Variants in NELFB observed in about 807,000 individuals in gnomAD.
NELFB encodes negative elongation factor B.
A neutral mutation model predicts 60.2 loss-of-function variants in NELFB; 34 were observed. The ratio of observed to expected loss-of-function variants is 0.56; its 90% CI spans 0.43 to 0.75. The LOEUF is 0.75. Among genes scored for constraint, NELFB ranks in the 30% least tolerant of loss-of-function variants. The pLI is 0.00. For missense variants in NELFB, 770 were observed against 831.6 expected (o/e 0.93, Z 0.91); for synonymous variants, 459 against 382.1 (o/e 1.20, Z -2.35).
chr9:137,262,951 A>G (rs1830467359), intron 4 of NELFB, 86 bp from the exon 5 acceptor site: 33 of 1,436,062 alleles, frequency 2.3e-5, no homozygotes, highest in Non-Finnish European at 3.1e-5. Flanking sequence ...GTCCAGAGAG[A>G]GGGCCGCGCT....
intron 10 of NELFB, among the ~76,000 whole-genome samples, chr9:137,271,739 C>T (rs1216322150): frequency 6.6e-6 from 1 of 152,118 alleles, no homozygotes; most frequent in African/African-American, 2.4e-5. Context: ...GGAGGAGCAC[C>T]TCGTTTTTCT....
chr9:137,268,356 C>T (rs947653929), intron 10 of NELFB, among the ~76,000 whole-genome samples: 1 of 152,140 alleles, frequency 6.6e-6, no homozygotes, highest in Non-Finnish European at 1.5e-5. Context: ...GAGGCTGAGG[C>T]GGGCGGATCA....
At chr9:137,255,815 GA>G in intron 1 of NELFB, 91 bp from the exon 2 acceptor site, 3 of 1,558,880 alleles carry the variant, frequency 1.9e-6, no homozygotes, top group Non-Finnish European at 2.6e-6. Context: ...GCACGGCTGG[GA>G]ACACCTGGGT....
In NELFB at chr9:137,257,129, A is replaced by T. The variant is rs919596255; in HGVS notation, c.741+75A>T. On this transcript the variant is annotated intron_variant, in intron 4 of 12. Transcript: ENST00000343053. ...GGCTAGCGCCTTCAGCTGCCTGGGG[A>T]TCAGCACTCTGCTGCCCTGTGAATG... The T allele has an allele frequency of 5.6e-5, 72 of 1,283,620 alleles. No individual in the cohort carries two copies. In the Admixed American group the frequency reaches 1.3e-3, roughly 24 times the overall value. The allele number at this position is 1,283,620 out of a possible 1,614,324, so 79.5% of individuals were successfully genotyped here. A position where few individuals can be genotyped will look rare whatever the true frequency, so the allele number is the denominator to read the frequency against.
In NELFB at chr9:137,257,203, T is replaced by C. The variant is rs1353890268; in HGVS notation, c.741+149T>C. On this transcript the variant is annotated intron_variant, in intron 4 of 12. Transcript: ENST00000343053. ...TGGGTGGTGGGGGAGGGCTGGCTTG[T>C]ACACATGCTGGAAAGAAAGTTGGTT... The C allele has an allele frequency of 1.1e-5, 7 of 660,858 alleles. No homozygotes were observed. The East Asian group carries it at 1.6e-4, about 15-fold the overall frequency. The allele number at this position is 660,858 out of a possible 1,614,324, so 40.9% of individuals were successfully genotyped here.
At chr9:137,265,678 C>T (rs549127683) in intron 6 of NELFB, among the ~76,000 whole-genome samples, 199 bp from the exon 7 acceptor site, 210 of 123,750 alleles carry the variant, frequency 1.7e-3, no homozygotes, top group African/African-American at 4.7e-3. Context: ...TGAGCCGCCG[C>T]GCCCGGCCTG....
At chr9:137,264,586 C>T (rs541379206) in intron 6 of NELFB, among the ~76,000 whole-genome samples, 1 of 152,374 alleles carries the variant, frequency 6.6e-6, no homozygotes, top group African/African-American at 2.4e-5. Flanking sequence ...CTGCCTCAGC[C>T]TCCCAAGTAG....
At chr9:137,263,578 C>T (rs992124858) in intron 5 of NELFB, among the ~76,000 whole-genome samples, 2 of 150,862 alleles carry the variant, frequency 1.3e-5, no homozygotes, top group African/African-American at 4.9e-5. Flanking sequence ...CACCTGGGCG[C>T]CCTTCTCTCC....
rs375835312 is a variant in NELFB at position 137,264,273 on chromosome 9, G to A, written c.956G>A (p.Arg319Gln). ...ACCTGGTGCCTGGACGCCTGCATCC[G>A]AGAGCGGTTCGTGGACAGCAAGAGG... The change falls in exon 6 of 13, where the codon CGA (arginine) becomes CAA (glutamine). Residue 319 changes from arginine to glutamine, a missense_variant. Physicochemically the swap from Arg to Gln is conservative, Grantham distance 43. Transcript: ENST00000343053. 2 of 1,601,482 alleles carry A rather than the reference G, an allele frequency of 1.2e-6. No homozygotes were observed. Among genetic ancestry groups the A allele is most frequent in the African/African-American group, 1.3e-5 (1 of 74,810 alleles).
chr9:137,255,370 C>T lies in NELFB; in HGVS notation c.5C>T (p.Ala2Val), dbSNP rs1837532466. The T allele has an allele frequency of 1.8e-6, 1 of 549,062 alleles. No homozygotes were observed. Among genetic ancestry groups the T allele is most frequent in the Non-Finnish European group, 2.7e-6 (1 of 369,814 alleles). The allele number at this position is 549,062 out of a possible 1,614,324, so 34.0% of individuals were successfully genotyped here. A position where few individuals can be genotyped will look rare whatever the true frequency, so the allele number is the denominator to read the frequency against. ...GAGTCGCGCGGCGGGCGGGACCTGG[C>T]CGAGCTGGAGGGCGCCGGGGAGCGG... is the stretch of plus-strand genomic sequence containing the variant. Residue 2 changes from alanine (A) to valine (V), a missense_variant, in exon 1 of 13, where the codon GCC becomes GTC. By Grantham distance (64) the Ala-to-Val change is moderately conservative. Coordinates refer to ENST00000343053, the MANE Select transcript of NELFB (RefSeq NM_015456.5).
Position 137,269,459 on chromosome 9 carries a change from AT to A in NELFB, c.1489+2116del, listed in dbSNP as rs1158684678. 6.6e-6 allele frequency among the ~76,000 whole-genome samples: 1 copy of A among 152,146 alleles called. No homozygotes were observed. Among genetic ancestry groups the A allele is most frequent in the Admixed American group, 6.5e-5 (1 of 15,268 alleles). ...GGGAACATAGTTATAAATAACTTTAATTTGCCTTGGCCTGCCCACTGCAGTA... is the reference window on the plus strand; with the variant it reads ...GGGAACATAGTTATAAATAACTTTAATTGCCTTGGCCTGCCCACTGCAGTA... On this transcript the variant is annotated intron_variant, in intron 10 of 12. Coordinates refer to ENST00000343053, the MANE Select transcript of NELFB (RefSeq NM_015456.5). The surrounding 1 kb of genome is among the most constrained non-coding windows in gnomAD (Gnocchi z 5.3).
chr9:137,255,531 C>A lies in NELFB; in HGVS notation c.166C>A (p.Leu56Met), dbSNP rs751199805. Residue 56 changes from leucine (L) to methionine (M), a missense_variant, in exon 1 of 13, where the codon CTG becomes ATG. Leu to Met is a conservative substitution (Grantham distance 15). Coordinates refer to ENST00000343053, the MANE Select transcript of NELFB (RefSeq NM_015456.5). ...GGCCATGTTCGCGGGGCTGCAGGAC[C>A]TGGGCGTGGCCAACGGCGAGGACCT... is the stretch of plus-strand genomic sequence containing the variant. 2 of 1,547,304 alleles carry A rather than the reference C, an allele frequency of 1.3e-6. No homozygotes were observed. Among genetic ancestry groups the A allele is most frequent in the Middle Eastern group, 1.9e-4 (1 of 5,354 alleles).
Position 137,272,994 on chromosome 9 carries a change from G to A in NELFB, c.*66G>A, listed in dbSNP as rs1420053529. 2.8e-6 allele frequency: 4 copies of A among 1,439,830 alleles called. No individual in the cohort carries two copies. The highest frequency in any genetic ancestry group is 3.7e-6 in the Non-Finnish European group (4 of 1,088,530). The allele number at this position is 1,439,830 out of a possible 1,614,324, so 89.2% of individuals were successfully genotyped here. On this transcript the variant is annotated 3_prime_UTR_variant, in exon 13 of 13. Transcript: ENST00000343053. ...TCGCGGCCCTGCTCAGCCGGAAGAG[G>A]CTCCCGGACCTGGATGTACAGGGCA...
intron 5 of NELFB, 144 bp downstream of exon 5, chr9:137,263,366 T>G: frequency 3.2e-6 from 1 of 312,786 alleles, no homozygotes; most frequent in Non-Finnish European, 5.1e-6. Context: ...TCCCTCCTTC[T>G]CCCTTCTCCC....
intron 4 of NELFB, among the ~76,000 whole-genome samples, chr9:137,259,596 A>G (rs999356547): frequency 6.6e-6 from 1 of 152,214 alleles, no homozygotes; most frequent in Admixed American, 6.5e-5. Context: ...TCTGTAAGGG[A>G]AATCAGTCGG....
At chr9:137,267,174 G>T in intron 9 of NELFB, 66 bp from the exon 10 acceptor site, 1 of 1,611,376 alleles carries the variant, frequency 6.2e-7, no homozygotes, top group Non-Finnish European at 8.5e-7. Flanking sequence ...CTGGGCAGGG[G>T]TCGGTGTGGG....
intron 10 of NELFB, among the ~76,000 whole-genome samples, chr9:137,267,705 G>C (rs944321012): frequency 4.6e-5 from 7 of 151,984 alleles, no homozygotes; most frequent in Non-Finnish European, 8.8e-5. Context: ...TGTTGGTTGG[G>C]CTGGTCTCGA....
chr9:137,265,031 C>CTTTTTTTT (rs60479210), intron 6 of NELFB, among the ~76,000 whole-genome samples: 5 of 126,174 alleles, frequency 4.0e-5, no homozygotes, highest in East Asian at 2.7e-4. Context: ...TTTTTTCTTC[C>CTTTTTTTT]TTTTTTTTTT....
chr9:137,266,897 G>A, intron 8 of NELFB, 47 bp from the exon 9 acceptor site: 1 of 1,602,910 alleles, frequency 6.2e-7, no homozygotes, highest in Non-Finnish European at 8.5e-7. Context: ...GGGTGGGGTG[G>A]GGCAGGGCCC....
Sources: gnomAD v4.1 joint callset for allele counts (sites outside exome capture counted in the v4.1 genomes callset) on GRCh38, gnomAD v4.1.1 for gene constraint, Gnocchi (gnomAD v3.1) non-coding constraint, MANE v1.5 for transcripts, NCBI Gene and HGNC (gene_info 2026-07-23, HGNC 2026-07-21) for gene names.